Variants in C8orf34 observed in about 807,000 individuals in gnomAD.
The protein encoded by C8orf34 is uncharacterized protein C8orf34.
C8orf34 carries 65 observed loss-of-function variants against 68.3 expected under a neutral mutation model. The observed-to-expected ratio is 0.95, with a 90% CI of 0.78 to 1.17. The LOEUF is 1.17. Among genes scored for constraint, C8orf34 ranks in the 50% most tolerant of loss-of-function variants. C8orf34 has a pLI of 0.00. For missense variants in C8orf34, 664 were observed against 655.4 expected, an observed-to-expected ratio of 1.01 and a Z score of -0.14; for synonymous variants, 244 against 241.2, an observed-to-expected ratio of 1.01 and a Z score of -0.11.
At chr8:68,337,210 A>G (rs1208594925) in intron 1 of C8orf34, among the ~76,000 whole-genome samples, 1 of 152,196 alleles carries the variant, frequency 6.6e-6, no homozygotes, top group African/African-American at 2.4e-5. Flanking sequence ...TTATAAAGGG[A>G]AAAAGTGACT....
chr8:68,527,175 T>C (rs183916869), intron 6 of C8orf34, among the ~76,000 whole-genome samples: 1 of 152,216 alleles, frequency 6.6e-6, no homozygotes, highest in Non-Finnish European at 1.5e-5. Flanking sequence ...ATGTCCAGGA[T>C]GCCCCCTTTG....
At chr8:68,745,326 C>T (rs1822452070) in intron 10 of C8orf34, among the ~76,000 whole-genome samples, 1 of 151,940 alleles carries the variant, frequency 6.6e-6, no homozygotes, top group Non-Finnish European at 1.5e-5. Context: ...ACTGCATCAA[C>T]TAATGAGCAA....
intron 10 of C8orf34, among the ~76,000 whole-genome samples, chr8:68,742,945 C>T (rs1822346854): frequency 6.6e-6 from 1 of 152,296 alleles, no homozygotes; most frequent in African/African-American, 2.4e-5. Context: ...ATCTGGCTTC[C>T]TGACCATCCA....
intron 3 of C8orf34, 71 bp downstream of exon 3, chr8:68,446,531 G>T: frequency 6.6e-7 from 1 of 1,504,638 alleles, no homozygotes; most frequent in South Asian, 1.3e-5. Context: ...TGAAGAAAAG[G>T]TATTAATTGA....
chr8:68,575,365 A>T (rs551665198), intron 7 of C8orf34, among the ~76,000 whole-genome samples: 125 of 152,186 alleles, frequency 8.2e-4, no homozygotes, highest in African/African-American at 2.8e-3. Flanking sequence ...GTTATTCTTC[A>T]GTTTATATTG....
chr8:68,582,428 C>T (rs558629786), intron 7 of C8orf34, among the ~76,000 whole-genome samples: 2 of 152,062 alleles, frequency 1.3e-5, no homozygotes, highest in African/African-American at 2.4e-5. Flanking sequence ...AGCTCCTAGA[C>T]AGAAATGTGG....
intron 4 of C8orf34, among the ~76,000 whole-genome samples, chr8:68,478,344 C>T (rs867258646): frequency 5.9e-5 from 9 of 152,136 alleles, no homozygotes; most frequent in African/African-American, 2.2e-4. Context: ...TCTGAGACCA[C>T]GTCAGCCTGG....
At chr8:68,798,820 T>C (rs1824251677) in intron 12 of C8orf34, among the ~76,000 whole-genome samples, 1 of 152,174 alleles carries the variant, frequency 6.6e-6, no homozygotes, top group Admixed American at 6.5e-5. Context: ...TCCAATTGAT[T>C]CCTAAGGCCC....
intron 10 of C8orf34, among the ~76,000 whole-genome samples, chr8:68,774,023 T>C (rs980243009): frequency 6.6e-6 from 1 of 152,062 alleles, no homozygotes; most frequent in Non-Finnish European, 1.5e-5. Flanking sequence ...CAGAAACTGC[T>C]CTCCAGCATC....
intron 3 of C8orf34, 85 bp downstream of exon 3, chr8:68,446,545 C>T (rs1449396284): frequency 2.9e-6 from 4 of 1,400,438 alleles, no homozygotes; most frequent in Non-Finnish European, 3.9e-6. Context: ...TAATTGAAGC[C>T]CAACTTTTCA....
At chr8:68,746,871 C>T (rs1479466951) in intron 10 of C8orf34, among the ~76,000 whole-genome samples, 6 of 152,032 alleles carry the variant, frequency 3.9e-5, no homozygotes, top group Non-Finnish European at 7.3e-5. Context: ...GGAATCCTCC[C>T]TAACTCATTT....
At chr8:68,469,057 C>T (rs1418073964) in intron 4 of C8orf34, among the ~76,000 whole-genome samples, 1 of 151,978 alleles carries the variant, frequency 6.6e-6, no homozygotes, top group South Asian at 2.1e-4. Context: ...TGTTTGGCTC[C>T]AACACTTGTA....
At chr8:68,464,720 A>G (rs1812026276) in intron 3 of C8orf34, among the ~76,000 whole-genome samples, 1 of 150,490 alleles carries the variant, frequency 6.6e-6, no homozygotes, top group Admixed American at 6.6e-5. Flanking sequence ...TATTTAATAA[A>G]TGGTGCTGGG....
At chr8:68,717,667 G>C (rs1172294313) in intron 9 of C8orf34, among the ~76,000 whole-genome samples, 2 of 151,934 alleles carry the variant, frequency 1.3e-5, no homozygotes, top group African/African-American at 4.8e-5. Flanking sequence ...AATTTAAATA[G>C]ATCATATATA....
At chr8:68,546,812 G>A (rs1055558239) in intron 7 of C8orf34, among the ~76,000 whole-genome samples, 1 of 151,476 alleles carries the variant, frequency 6.6e-6, no homozygotes, top group African/African-American at 2.4e-5. Context: ...AAAATATTTG[G>A]AAATCAGACA....
chr8:68,744,919 A>G (rs1455224922), intron 10 of C8orf34, among the ~76,000 whole-genome samples: 1 of 152,198 alleles, frequency 6.6e-6, no homozygotes, highest in Non-Finnish European at 1.5e-5. Context: ...AGCAACTCCA[A>G]GACACATAAT....
At chr8:68,500,665 C>T (rs1009917639) in intron 5 of C8orf34, among the ~76,000 whole-genome samples, 1 of 152,080 alleles carries the variant, frequency 6.6e-6, no homozygotes, top group Non-Finnish European at 1.5e-5. Context: ...GCCCTCAACA[C>T]ACACACACAG....
At chr8:68,407,974 G>A (rs569454173) in intron 1 of C8orf34, among the ~76,000 whole-genome samples, 2 of 152,166 alleles carry the variant, frequency 1.3e-5, no homozygotes, top group East Asian at 1.9e-4. Context: ...CCCCATCCCC[G>A]GGCCATGGAC....
At chr8:68,532,005 A>G (rs1226021073) in intron 6 of C8orf34, among the ~76,000 whole-genome samples, 1 of 152,104 alleles carries the variant, frequency 6.6e-6, no homozygotes, top group Non-Finnish European at 1.5e-5. Context: ...GACATAGGCC[A>G]GGGGAATTGA....
Sources: allele counts gnomAD v4.1 joint callset (sites outside exome capture counted in the v4.1 genomes callset), GRCh38; gene constraint gnomAD v4.1.1; transcripts MANE v1.5; gene names NCBI Gene and HGNC (gene_info 2026-07-23, HGNC 2026-07-21).